The following C5orf34 variants were observed in gnomAD, a reference collection of about 807,000 sequenced individuals.
The protein encoded by C5orf34 is chromosome 5 open reading frame 34.
In C5orf34, 73 loss-of-function variants were observed where a neutral mutation model predicts 78.4. The observed-to-expected ratio is 0.93, with a 90% CI of 0.77 to 1.13. The LOEUF is 1.13. Among genes scored for constraint, C5orf34 ranks in the 50% most tolerant of loss-of-function variants. The pLI is 0.00. For synonymous variants in C5orf34, 251 were observed against 246.6 expected, an observed-to-expected ratio of 1.02 and a Z score of -0.17; for missense variants, 730 against 732.7, an observed-to-expected ratio of 1.00 and a Z score of 0.04.
In C5orf34 at chr5:43,490,669, C is replaced by T. The variant is rs776458957; in HGVS notation, c.1641G>A (p.Met547Ile). The change falls in exon 11 of 13, where the codon ATG becomes ATA. Residue 547 changes from methionine (M) to isoleucine (I), a missense_variant. Physicochemically the swap from Met to Ile is conservative, Grantham distance 10. Coordinates refer to ENST00000306862, the MANE Select transcript of C5orf34 (RefSeq NM_198566.4). ...GAACAGAAGATGACGAATGAGTGGG[C>T]ATCTCTCTGGGACTAGTCTGGGTCA... ...RRLTQTSPREMPTHSSSSVLQ... is the reference protein window; with the variant it reads ...RRLTQTSPREIPTHSSSSVLQ... 4 of 1,611,400 alleles carry T rather than the reference C, an allele frequency of 2.5e-6. No individual in the cohort carries two copies. Among genetic ancestry groups the T allele is most frequent in the Non-Finnish European group, 3.4e-6 (4 of 1,177,938 alleles).
chr5:43,502,605 T>A (rs1745809754), intron 5 of C5orf34, 110 bp from the exon 6 acceptor site: 2 of 668,162 alleles, frequency 3.0e-6, no homozygotes, highest in East Asian at 5.2e-5. Flanking sequence ...AACAACACAG[T>A]CTTTTTGCCT....
At chr5:43,510,713 GA>G (rs1746198211) in intron 1 of C5orf34, among the ~76,000 whole-genome samples, 6 of 152,266 alleles carry the variant, frequency 3.9e-5, no homozygotes, top group Non-Finnish European at 8.8e-5. Context: ...GAGGTGCCGG[GA>G]TTGCAGACAG....
At chr5:43,487,325 T>C (rs529820274) in intron 12 of C5orf34, among the ~76,000 whole-genome samples, 15 of 152,212 alleles carry the variant, frequency 9.9e-5, no homozygotes, top group African/African-American at 3.6e-4. Flanking sequence ...ATAGAGTGTG[T>C]ATGTGTGTGT....
chr5:43,514,426 T>C (rs1348346034), intron 1 of C5orf34, among the ~76,000 whole-genome samples: 3 of 152,212 alleles, frequency 2.0e-5, no homozygotes, highest in Non-Finnish European at 4.4e-5. Flanking sequence ...TGCTGATACA[T>C]AGATGGAAGA....
chr5:43,502,999 C>T (rs1009931830), intron 5 of C5orf34, among the ~76,000 whole-genome samples: 2 of 152,172 alleles, frequency 1.3e-5, no homozygotes, highest in African/African-American at 4.8e-5. Context: ...CAAATAGAAA[C>T]TTAAGCCAAG....
chr5:43,508,555 A>T, intron 3 of C5orf34, 22 bp downstream of exon 3: 1 of 1,392,028 alleles, frequency 7.2e-7, no homozygotes, highest in East Asian at 2.3e-5. Context: ...AATACTAACA[A>T]AAATGAAGTT....
At position 43,502,436 on chromosome 5, in the gene C5orf34, T is replaced by C. The variant is rs758035854; in HGVS notation, c.1088A>G (p.Lys363Arg). The C allele has an allele frequency of 3.1e-6, 5 of 1,596,678 alleles. No homozygotes were observed. Among genetic ancestry groups the C allele is most frequent in the South Asian group, 2.2e-5 (2 of 90,460 alleles). ...GTTCCCAAAATAAGCCCCTTCTGATTTGAAAACAGATCCATCCCCAGAATA... is the reference window on the plus strand; with the variant it reads ...GTTCCCAAAATAAGCCCCTTCTGATCTGAAAACAGATCCATCCCCAGAATA... ...EIYSGDGSVFKSEGAYFGNYF... is the reference protein window; with the variant it reads ...EIYSGDGSVFRSEGAYFGNYF... The change falls in exon 6 of 13, where the codon AAA (lysine) becomes AGA (arginine). Residue 363 changes from lysine (K) to arginine (R), a missense_variant. Physicochemically the swap from Lys to Arg is conservative, Grantham distance 26 (BLOSUM62 2). Transcript: ENST00000306862.
chr5:43,494,517 C>T lies in C5orf34; in HGVS notation c.1237G>A (p.Ala413Thr), dbSNP rs375174167. ...TGAATGGGAAGAACTTACCTTGTTG[C>T]CTGTTTAATTAGAGAACCGACAGTG... Reference protein sequence around the residue: ...PFTVGSLIKQATRILQHCVKM... With the variant: ...PFTVGSLIKQTTRILQHCVKM... The change falls in exon 7 of 13, where the codon GCA (alanine) becomes ACA (threonine). Residue 413 changes from alanine to threonine, a missense_variant. Ala to Thr is a moderately conservative substitution (Grantham distance 58, BLOSUM62 0). Coordinates refer to ENST00000306862, the MANE Select transcript of C5orf34 (RefSeq NM_198566.4). 4 of 1,598,864 alleles carry T rather than the reference C, an allele frequency of 2.5e-6. No individual in the cohort carries two copies. The South Asian group carries it at 3.4e-5, about 13-fold the overall frequency.
At chr5:43,513,557 A>G (rs1233442660) in intron 1 of C5orf34, among the ~76,000 whole-genome samples, 1 of 152,244 alleles carries the variant, frequency 6.6e-6, no homozygotes, top group African/African-American at 2.4e-5. Flanking sequence ...TATGGCCTAC[A>G]AAGGCCACAC....
At chr5:43,500,023 T>C (rs909356242) in intron 6 of C5orf34, among the ~76,000 whole-genome samples, 1 of 152,194 alleles carries the variant, frequency 6.6e-6, no homozygotes, top group Non-Finnish European at 1.5e-5. Flanking sequence ...TCATTTGATG[T>C]TATCAAATTG....
intron 11 of C5orf34, 199 bp downstream of exon 11, chr5:43,490,430 AAT>A: frequency 2.5e-6 from 1 of 392,452 alleles, no homozygotes; most frequent in Non-Finnish European, 4.6e-6. Flanking sequence ...GGTAAAATAG[AAT>A]ATGATGAAAT....
At chr5:43,509,431 T>C in intron 1 of C5orf34, 56 bp from the exon 2 acceptor site, 1 of 1,047,924 alleles carries the variant, frequency 9.5e-7, no homozygotes, top group Non-Finnish European at 1.3e-6. Flanking sequence ...TACAAAACTT[T>C]TATCAAAATA....
chr5:43,501,371 G>T lies in C5orf34; in HGVS notation c.1152+1001C>A, dbSNP rs558799127. Among the ~76,000 whole-genome samples, 8 of 146,808 alleles carry T rather than the reference G, an allele frequency of 5.4e-5. No individual in the cohort carries two copies. In the Admixed American group the frequency reaches 5.6e-4, roughly 10 times the overall value. ...GAACACAAGACTGTGAACTCTTGAG[G>T]GCAGGAACTCTTCTTCATCTTCATC... On this transcript the variant is annotated intron_variant, in intron 6 of 12. Transcript: ENST00000306862.
chr5:43,492,784 A>G lies in C5orf34; in HGVS notation c.1421T>C (p.Ile474Thr). The G allele has an allele frequency of 1.2e-6, 2 of 1,613,388 alleles. No individual in the cohort carries two copies. The highest frequency in any genetic ancestry group is 1.7e-6 in the Non-Finnish European group (2 of 1,179,522). ...GGTTAGAGTAATGCCATCTAAAAAG[A>G]TAGCATGTACTTTGTCATCAGAGTA... ...LAYSDDKVHA[I>T]FLDGITLTLN... The change falls in exon 9 of 13, where the codon ATC (isoleucine) becomes ACC (threonine). Residue 474 changes from isoleucine (I) to threonine (T), a missense_variant. Coordinates refer to ENST00000306862, the MANE Select transcript of C5orf34 (RefSeq NM_198566.4).
In C5orf34 at chr5:43,506,343, C is replaced by T. The variant is rs534703704; in HGVS notation, c.337G>A (p.Gly113Ser). The T allele has an allele frequency of 6.2e-7, 1 of 1,613,580 alleles. No homozygotes were observed. The highest frequency in any genetic ancestry group is 2.2e-5 in the East Asian group (1 of 44,866). Residue 113 changes from glycine to serine, a missense_variant, in exon 4 of 13, where the codon GGT becomes AGT. Coordinates refer to ENST00000306862, the MANE Select transcript of C5orf34 (RefSeq NM_198566.4). ...EVRWPSLDTDGTMIYMESGIV... is the reference protein window; with the variant it reads ...EVRWPSLDTDSTMIYMESGIV... The stretch of plus-strand genomic sequence containing the variant: ...CCACTCTCCATATATATCATGGTAC[C>T]ATCTGTATCAAGACTGGGCCATCTC...
At position 43,495,623 on chromosome 5, in the gene C5orf34, G is replaced by C. The variant is rs1745477407; in HGVS notation, c.1153-1022C>G. The C allele has an allele frequency of 5.6e-6, 9 of 1,604,788 alleles. No homozygotes were observed. The South Asian group carries it at 8.8e-5, about 16-fold the overall frequency. On this transcript the variant is annotated intron_variant, in intron 6 of 12. Coordinates refer to ENST00000306862, the MANE Select transcript of C5orf34 (RefSeq NM_198566.4). ...TGTTGTAATGTTGACTGGAGCAAAG[G>C]TGACCACCACACCAGGTTTGAGAAC...
chr5:43,508,415 T>A (rs1016558721), intron 3 of C5orf34, among the ~76,000 whole-genome samples, 162 bp downstream of exon 3: 9 of 152,184 alleles, frequency 5.9e-5, no homozygotes, highest in African/African-American at 2.2e-4. Context: ...AATGCTTGGA[T>A]ACAAAGAAAA....
intron 1 of C5orf34, among the ~76,000 whole-genome samples, chr5:43,512,815 G>A (rs559499893): frequency 2.9e-4 from 34 of 116,750 alleles, no homozygotes; most frequent in African/African-American, 1.0e-3. Flanking sequence ...ACAGAGTCTT[G>A]CTCTGTTGCC....
chr5:43,495,719 C>T lies in C5orf34; in HGVS notation c.1153-1118G>A, dbSNP rs568486139. ...TTTGTAGACATCCTGGAGAGGCAGG[C>T]GCAAGGGCTTGTCAGTTGGATGAGT... is the stretch of plus-strand genomic sequence containing the variant. On this transcript the variant is annotated intron_variant, in intron 6 of 12. Coordinates refer to ENST00000306862, the MANE Select transcript of C5orf34 (RefSeq NM_198566.4). 149 of 1,580,804 alleles carry T rather than the reference C, an allele frequency of 9.4e-5. 1 individual carries two copies. In the South Asian group the frequency reaches 1.3e-3, roughly 14 times the overall value.
Sources: allele counts gnomAD v4.1 joint callset (sites outside exome capture counted in the v4.1 genomes callset), GRCh38; gene constraint gnomAD v4.1.1; transcripts MANE v1.5; gene names NCBI Gene and HGNC (gene_info 2026-07-23, HGNC 2026-07-21).